The following MNAT1 variants were observed in gnomAD, a reference collection of about 807,000 sequenced individuals.
MNAT1 encodes the protein CDK-activating kinase assembly factor MAT1.
In MNAT1, 43 loss-of-function variants were observed where a neutral mutation model predicts 42.0. The observed-to-expected ratio is 1.02, with a 90% CI of 0.80 to 1.32. MNAT1 has a LOEUF of 1.32. Ranked by LOEUF, MNAT1 falls within the 40% of genes most tolerant of loss-of-function variation. The pLI, the probability that MNAT1 is intolerant of heterozygous loss-of-function variation, is 0.00. For missense variants in MNAT1, 306 were observed against 350.4 expected (o/e 0.87, Z 1.01); for synonymous variants, 118 against 120.0 (o/e 0.98, Z 0.11).
At chr14:60,891,273 T>C (rs899241596) in intron 7 of MNAT1, among the ~76,000 whole-genome samples, 1 of 152,134 alleles carries the variant, frequency 6.6e-6, no homozygotes, top group Non-Finnish European at 1.5e-5. Context: ...TTGTTGATCT[T>C]TTTGACAGAA....
chr14:60,809,059 T>G (rs2032463287), intron 4 of MNAT1: 2 of 152,156 alleles, frequency 1.3e-5, no homozygotes, highest in Admixed American at 1.3e-4. Context: ...TTATTATATG[T>G]ATTAGAATGT....
At chr14:60,843,566 G>C (rs867665950) in intron 6 of MNAT1, among the ~76,000 whole-genome samples, 8 of 151,944 alleles carry the variant, frequency 5.3e-5, no homozygotes, top group Non-Finnish European at 4.4e-5. Flanking sequence ...CACTGCGTCC[G>C]GCCTCGTTTG....
At chr14:60,848,070 A>G (rs1015695868) in intron 6 of MNAT1, among the ~76,000 whole-genome samples, 1 of 151,926 alleles carries the variant, frequency 6.6e-6, no homozygotes, top group African/African-American at 2.4e-5. Flanking sequence ...GCTTGGTATC[A>G]TTTCCTTTTA....
At chr14:60,918,094 T>G (rs1471449684) in intron 7 of MNAT1, among the ~76,000 whole-genome samples, 1 of 151,936 alleles carries the variant, frequency 6.6e-6, no homozygotes, top group Non-Finnish European at 1.5e-5. Flanking sequence ...GGCTTGTAAT[T>G]TGGTTGAAAA....
rs1261857590 is a variant in MNAT1, at chr14:60,969,422, C to T, written c.*1073C>T. 3 of 152,170 alleles carry T rather than the reference C, an allele frequency of 2.0e-5. No individual in the cohort carries two copies. Among genetic ancestry groups the T allele is most frequent in the Admixed American group, 2.0e-4 (3 of 15,276 alleles). 9.4% of individuals were successfully genotyped at this position (152,170 alleles called of 1,614,324 possible). A position where few individuals can be genotyped will look rare whatever the true frequency, so the allele number is the denominator to read the frequency against. Reference sequence around the variant, plus strand: ...GGTTACATTAGGATGGACTATCCATCTGTAACAACTCCATCTTATTTTACT... The same window carrying T: ...GGTTACATTAGGATGGACTATCCATTTGTAACAACTCCATCTTATTTTACT... On this transcript the variant is annotated 3_prime_UTR_variant, in exon 8 of 8. Transcript: ENST00000261245.
At chr14:60,955,936 TTA>T (rs2036480502) in intron 7 of MNAT1, among the ~76,000 whole-genome samples, 1 of 152,078 alleles carries the variant, frequency 6.6e-6, no homozygotes, top group Non-Finnish European at 1.5e-5. Flanking sequence ...TTTGTGAGTT[TTA>T]TGTTTTTAAA....
Position 60,924,802 on chromosome 14 carries a change from G to A in MNAT1, c.810-43427G>A, listed in dbSNP as rs552568804. On this transcript the variant is annotated intron_variant, in intron 7 of 7. Transcript: ENST00000261245. ...CTGACAACTTGGAAACATATTAAAAGTAGGTACTAGATCAAATTCAGTCTG... is the reference window on the plus strand; with the variant it reads ...CTGACAACTTGGAAACATATTAAAAATAGGTACTAGATCAAATTCAGTCTG... 1.2e-4 allele frequency among the ~76,000 whole-genome samples: 18 copies of A among 152,308 alleles called. No homozygotes were observed. The South Asian group carries it at 3.7e-3, about 32-fold the overall frequency.
chr14:60,914,866 C>T (rs1227615763), intron 7 of MNAT1, among the ~76,000 whole-genome samples: 1 of 152,140 alleles, frequency 6.6e-6, no homozygotes, highest in Non-Finnish European at 1.5e-5. Context: ...GCAGAGTGAA[C>T]ATGGGTAGCA....
chr14:60,911,383 T>C (rs1201711363), intron 7 of MNAT1, among the ~76,000 whole-genome samples: 1 of 152,330 alleles, frequency 6.6e-6, no homozygotes, highest in East Asian at 1.9e-4. Flanking sequence ...ATGTGTTTGC[T>C]CTTGCTTCTC....
intron 7 of MNAT1, among the ~76,000 whole-genome samples, chr14:60,887,824 A>G (rs2034716053): frequency 6.6e-6 from 1 of 152,132 alleles, no homozygotes; most frequent in Non-Finnish European, 1.5e-5. Flanking sequence ...AAACACCTCT[A>G]TGCAAATAAA....
At chr14:60,794,729 T>G (rs373550409) in intron 1 of MNAT1, among the ~76,000 whole-genome samples, 1 of 148,794 alleles carries the variant, frequency 6.7e-6, no homozygotes, top group East Asian at 1.9e-4. Flanking sequence ...TGTGTGTGTA[T>G]GTATATATTT....
intron 7 of MNAT1, among the ~76,000 whole-genome samples, chr14:60,882,194 A>T (rs1288049891): frequency 6.6e-6 from 1 of 151,892 alleles, no homozygotes; most frequent in African/African-American, 2.4e-5. Context: ...ATTCATTCTA[A>T]CTATTTTTTT....
chr14:60,891,148 T>A (rs2034834942), intron 7 of MNAT1, among the ~76,000 whole-genome samples: 1 of 152,164 alleles, frequency 6.6e-6, no homozygotes, highest in African/African-American at 2.4e-5. Context: ...CATTTCTGAT[T>A]TTAGTAATTT....
intron 1 of MNAT1, among the ~76,000 whole-genome samples, chr14:60,760,363 AAC>A: frequency 6.6e-6 from 1 of 152,214 alleles, no homozygotes; most frequent in Non-Finnish European, 1.5e-5. Flanking sequence ...AATTCCCTGC[AAC>A]AGTGTACAAA....
rs376277585 is a variant in MNAT1 at position 60,864,270 on chromosome 14, A to T, written c.688-15444A>T. On this transcript the variant is annotated intron_variant, in intron 6 of 7. Coordinates refer to ENST00000261245, the MANE Select transcript of MNAT1 (RefSeq NM_002431.4). ...ACATTATATTTAAAAATGTTTAATA[A>T]ATATAATATATTTTAAATGAAAATT... Among the ~76,000 whole-genome samples, 41 of 151,896 alleles carry T rather than the reference A, an allele frequency of 2.7e-4. 2 individuals carry two copies. In the East Asian group the frequency reaches 2.7e-3, roughly 10 times the overall value.
chr14:60,824,103 G>A (rs1241130203), intron 6 of MNAT1, among the ~76,000 whole-genome samples: 1 of 152,104 alleles, frequency 6.6e-6, no homozygotes. Flanking sequence ...GTTGCAGTAA[G>A]CTGAGCTCAA....
chr14:60,858,948 A>G (rs986033424), intron 6 of MNAT1, among the ~76,000 whole-genome samples: 4 of 152,326 alleles, frequency 2.6e-5, no homozygotes, highest in East Asian at 1.9e-4. Context: ...TGTGTGACTC[A>G]CTTTATGGCA....
At chr14:60,884,489 A>G (rs1435209318) in intron 7 of MNAT1, among the ~76,000 whole-genome samples, 2 of 151,992 alleles carry the variant, frequency 1.3e-5, no homozygotes, top group Non-Finnish European at 2.9e-5. Flanking sequence ...TGAGGCTTGC[A>G]AACACTATCT....
intron 1 of MNAT1, among the ~76,000 whole-genome samples, chr14:60,784,100 C>T (rs2031558811): frequency 6.6e-6 from 1 of 150,628 alleles, no homozygotes; most frequent in Non-Finnish European, 1.5e-5. Flanking sequence ...TCCGCCTCCG[C>T]CTCCTGGGTT....
Sources: allele counts gnomAD v4.1 joint callset (sites outside exome capture counted in the v4.1 genomes callset), GRCh38; gene constraint gnomAD v4.1.1; transcripts MANE v1.5; gene names NCBI Gene and HGNC (gene_info 2026-07-23, HGNC 2026-07-21).